The following DTNBP1 variants were observed in gnomAD, a reference collection of about 807,000 sequenced individuals.
The protein encoded by DTNBP1 is dystrobrevin binding protein 1.
In DTNBP1, 35 loss-of-function variants were observed where a neutral mutation model predicts 42.8. The observed-to-expected ratio is 0.82, with a 90% CI of 0.63 to 1.09. The LOEUF (loss-of-function observed/expected upper bound fraction) is 1.09, where lower values mean the gene tolerates loss of function less well. DTNBP1 is among the 50% of genes least tolerant of loss of function. The pLI is 0.00. For synonymous variants in DTNBP1, 171 were observed against 162.2 expected, an observed-to-expected ratio of 1.05 and a Z score of -0.41; for missense variants, 457 against 424.2, an observed-to-expected ratio of 1.08 and a Z score of -0.68.
At chr6:15,614,123 C>T (rs1371147474) in intron 6 of DTNBP1, among the ~76,000 whole-genome samples, 1 of 152,174 alleles carries the variant, frequency 6.6e-6, no homozygotes, top group Non-Finnish European at 1.5e-5. Context: ...TGATTGAGAA[C>T]TTGTGTTCTA....
At chr6:15,568,838 C>T (rs1581336215) in intron 7 of DTNBP1, among the ~76,000 whole-genome samples, 3 of 152,108 alleles carry the variant, frequency 2.0e-5, no homozygotes, top group Non-Finnish European at 4.4e-5. Flanking sequence ...TGTTAATCAA[C>T]TGTTTATGTT....
In DTNBP1 at chr6:15,610,076, C is replaced by G. The variant is rs1581389662; in HGVS notation, c.488+5191G>C. The stretch of plus-strand genomic sequence containing the variant: ...GTTTTCAATACATTTGTATGTCTAC[C>G]TGTCCTCAAGTGTGTTAGAGTCAAG... On this transcript the variant is annotated intron_variant, in intron 6 of 9. Coordinates refer to ENST00000344537, the MANE Select transcript of DTNBP1 (RefSeq NM_032122.5). Among the ~76,000 whole-genome samples, 3 of 152,300 alleles carry G rather than the reference C, an allele frequency of 2.0e-5. No homozygotes were observed. In the South Asian group the frequency reaches 6.2e-4, roughly 32 times the overall value.
At chr6:15,566,386 A>G (rs971638855) in intron 7 of DTNBP1, among the ~76,000 whole-genome samples, 2 of 151,600 alleles carry the variant, frequency 1.3e-5, no homozygotes, top group African/African-American at 4.8e-5. Flanking sequence ...AACCAAGGGG[A>G]TTCCAAAGAA....
chr6:15,570,528 C>T (rs1019483340), intron 7 of DTNBP1, among the ~76,000 whole-genome samples: 12 of 152,228 alleles, frequency 7.9e-5, no homozygotes, highest in African/African-American at 2.9e-4. Flanking sequence ...TTGAATCCTG[C>T]ATTTGCATAA....
At chr6:15,526,234 A>C (rs1235492041) in intron 8 of DTNBP1, among the ~76,000 whole-genome samples, 1 of 152,234 alleles carries the variant, frequency 6.6e-6, no homozygotes, top group Non-Finnish European at 1.5e-5. Context: ...GGAAGGGCTG[A>C]GTGCAAGAAA....
intron 7 of DTNBP1, among the ~76,000 whole-genome samples, chr6:15,579,287 G>A (rs1381784201): frequency 6.6e-6 from 1 of 152,148 alleles, no homozygotes; most frequent in Non-Finnish European, 1.5e-5. Flanking sequence ...AACAAGCCAG[G>A]CATAGAAAGA....
At chr6:15,639,705 A>T (rs1562007384) in intron 3 of DTNBP1, among the ~76,000 whole-genome samples, 1 of 152,264 alleles carries the variant, frequency 6.6e-6, no homozygotes, top group Non-Finnish European at 1.5e-5. Context: ...AGAACTGCTG[A>T]GATATAAATT....
At chr6:15,616,542 G>A (rs1469749461) in intron 5 of DTNBP1, among the ~76,000 whole-genome samples, 3 of 152,226 alleles carry the variant, frequency 2.0e-5, no homozygotes, top group South Asian at 2.1e-4. Context: ...AAGTAACAGC[G>A]ATCCAGTGGG....
At chr6:15,656,823 C>G (rs1262289994) in intron 1 of DTNBP1, among the ~76,000 whole-genome samples, 1 of 152,112 alleles carries the variant, frequency 6.6e-6, no homozygotes, top group Non-Finnish European at 1.5e-5. Context: ...CTGAGATCTG[C>G]CGGTGATTCA....
rs763976073 is a variant in DTNBP1 at position 15,589,089 on chromosome 6, TTGAAGTGAACCAACAAATTCTAC to T, written c.511+3947_511+3969del. Among the ~76,000 whole-genome samples the T allele has an allele frequency of 2.0e-5, 3 of 152,254 alleles. No homozygotes were observed. In the South Asian group the frequency reaches 6.2e-4, roughly 32 times the overall value. On this transcript the variant is annotated intron_variant, in intron 7 of 9. Transcript: ENST00000344537. ...TTTGTCTCACACGTTAAGCCAACTC[TTGAAGTGAACCAACAAATTCTAC>T]TGAAGTTTACCACCTAGCATCATCA...
chr6:15,657,649 G>A (rs556911432), intron 1 of DTNBP1, among the ~76,000 whole-genome samples: 12 of 152,252 alleles, frequency 7.9e-5, no homozygotes, highest in Non-Finnish European at 1.6e-4. Flanking sequence ...ACTTATGGCC[G>A]TCTAGATATT....
intron 6 of DTNBP1, among the ~76,000 whole-genome samples, chr6:15,604,634 T>C (rs541493786): frequency 6.6e-6 from 1 of 152,274 alleles, no homozygotes; most frequent in Admixed American, 6.5e-5. Context: ...AGTTAGTCTC[T>C]AGAACATACA....
chr6:15,529,230 A>T (rs1048370620), intron 8 of DTNBP1, among the ~76,000 whole-genome samples: 1 of 152,198 alleles, frequency 6.6e-6, no homozygotes, highest in African/African-American at 2.4e-5. Flanking sequence ...GACTGCAATG[A>T]GCTATGACCA....
chr6:15,638,395 G>A (rs1278841359), intron 3 of DTNBP1, among the ~76,000 whole-genome samples: 1 of 152,074 alleles, frequency 6.6e-6, no homozygotes, highest in Non-Finnish European at 1.5e-5. Context: ...TGGGATTACA[G>A]GCATGAGCCA....
Position 15,652,159 on chromosome 6 carries a change from TATA to T in DTNBP1, c.57-22_57-20del. ...CTTCAGCCTATAATTCAATATAAAA[TATA>T]ATATTTTTACAAGTCAAGAGATTAT... On this transcript the variant is annotated intron_variant, in intron 1 of 9. Coordinates refer to ENST00000344537, the MANE Select transcript of DTNBP1 (RefSeq NM_032122.5). 6.5e-7 allele frequency: 1 copy of T among 1,548,308 alleles called. No individual in the cohort carries two copies. Among genetic ancestry groups the T allele is most frequent in the Non-Finnish European group, 8.8e-7 (1 of 1,136,620 alleles).
chr6:15,530,684 G>A (rs987677375), intron 8 of DTNBP1, among the ~76,000 whole-genome samples: 1 of 151,632 alleles, frequency 6.6e-6, no homozygotes, highest in Non-Finnish European at 1.5e-5. Context: ...TGCATCCACG[G>A]CTCTCCCTAC....
chr6:15,604,105 G>A (rs1776835271), intron 6 of DTNBP1, among the ~76,000 whole-genome samples: 1 of 152,152 alleles, frequency 6.6e-6, no homozygotes, highest in African/African-American at 2.4e-5. Flanking sequence ...GGCAATCACA[G>A]GGCTCACCTC....
At chr6:15,600,830 A>G (rs1581379470) in intron 6 of DTNBP1, among the ~76,000 whole-genome samples, 1 of 152,310 alleles carries the variant, frequency 6.6e-6, no homozygotes, top group East Asian at 1.9e-4. Context: ...TGTGGAAGAC[A>G]ATTTTGGGCA....
At chr6:15,634,943 T>C (rs911113258) in intron 4 of DTNBP1, among the ~76,000 whole-genome samples, 1 of 152,236 alleles carries the variant, frequency 6.6e-6, no homozygotes. Context: ...CTGAATTACA[T>C]TCTTTAGAAG....
Sources: gnomAD v4.1 joint callset for allele counts (sites outside exome capture counted in the v4.1 genomes callset) on GRCh38, gnomAD v4.1.1 for gene constraint, MANE v1.5 for transcripts, NCBI Gene and HGNC (gene_info 2026-07-23, HGNC 2026-07-21) for gene names.